The following C1QTNF8 variants were observed in gnomAD, a reference collection of about 807,000 sequenced individuals.
C1QTNF8 encodes the protein C1q and TNF related 8.
C1QTNF8 carries 27 observed loss-of-function variants against 19.2 expected under a neutral mutation model. That is an observed-to-expected ratio of 1.41 (90% CI 1.04 to 1.94). The LOEUF is 1.94. Among genes scored for constraint, C1QTNF8 ranks in the 30% most tolerant of loss-of-function variants. The pLI, the probability that C1QTNF8 is intolerant of heterozygous loss-of-function variation, is 0.00. For synonymous variants in C1QTNF8, 208 were observed against 172.8 expected (o/e 1.20, Z -1.60); for missense variants, 484 against 374.4 (o/e 1.29, Z -2.42).
At chr16:1,092,223 A>G (rs576595456) in intron 4 of C1QTNF8, among the ~76,000 whole-genome samples, 8 of 152,182 alleles carry the variant, frequency 5.3e-5, no homozygotes, top group African/African-American at 1.9e-4. Context: ...CTCCCAACAC[A>G]CCCAGCACTC....
intron 4 of C1QTNF8, among the ~76,000 whole-genome samples, chr16:1,091,348 C>T (rs1007735475): frequency 1.3e-5 from 2 of 152,078 alleles, no homozygotes; most frequent in Non-Finnish European, 2.9e-5. Flanking sequence ...GCCCAGTGGC[C>T]GCGCTGCCAC....
Position 1,093,948 on chromosome 16 carries a change from C to A in C1QTNF8, c.312G>T (p.Gln104His). 6.7e-7 allele frequency: 1 copy of A among 1,502,672 alleles called. No individual in the cohort carries two copies. The highest frequency in any genetic ancestry group is 8.8e-7 in the Non-Finnish European group (1 of 1,137,516). The allele number at this position is 1,502,672 out of a possible 1,614,324, so 93.1% of individuals were successfully genotyped here. ...GGCACGCGGCGCCCGGCGGCCCCAC[C>A]TGCCCCTTCTGGCCTCTGCGGCCCT... ...GLQGRRGQKGQVGPPGAACRR... is the reference protein window; with the variant it reads ...GLQGRRGQKGHVGPPGAACRR... The change falls in exon 4 of 5, where the codon CAG (glutamine) becomes CAT (histidine). Residue 104 changes from glutamine (Q) to histidine (H), a missense_variant. By Grantham distance (24) the Gln-to-His change is conservative. Transcript: ENST00000328449.
chr16:1,096,261 G>A (rs1488414543), upstream of C1QTNF8: 1 of 152,278 alleles, frequency 6.6e-6, no homozygotes, highest in Non-Finnish European at 1.5e-5. Context: ...AGAGCAACAG[G>A]CCGAGAGGCC....
chr16:1,094,943 A>G lies in C1QTNF8; in HGVS notation c.-11-10T>C. 1.7e-6 allele frequency: 2 copies of G among 1,193,874 alleles called. No homozygotes were observed. Among genetic ancestry groups the G allele is most frequent in the Non-Finnish European group, 2.2e-6 (2 of 925,064 alleles). The allele number at this position is 1,193,874 out of a possible 1,614,324, so 74.0% of individuals were successfully genotyped here. ...GCCATCTTGGCCAGGGCTGGGGGAGAGGAAAGAGGGGAGGGACTGAGAAGG... is the reference window on the plus strand; with the variant it reads ...GCCATCTTGGCCAGGGCTGGGGGAGGGGAAAGAGGGGAGGGACTGAGAAGG... On this transcript the variant is annotated splice_polypyrimidine_tract_variant and intron_variant, in intron 2 of 4. Transcript: ENST00000328449.
intron 4 of C1QTNF8, 54 bp downstream of exon 4, chr16:1,093,441 CAG>C (rs1484269294): frequency 7.2e-6 from 9 of 1,243,638 alleles, no homozygotes; most frequent in Admixed American, 2.9e-5. Flanking sequence ...CACACACACA[CAG>C]ACACACACAC....
At chr16:1,090,854 C>T (rs955448793) in intron 4 of C1QTNF8, among the ~76,000 whole-genome samples, 3 of 152,242 alleles carry the variant, frequency 2.0e-5, no homozygotes, top group Non-Finnish European at 4.4e-5. Flanking sequence ...CAGCTGCTTC[C>T]TCCCAGCCAG....
In C1QTNF8 at chr16:1,095,709, T is replaced by C. The variant is rs1245093765; in HGVS notation, c.-106A>G. The C allele has an allele frequency of 1.3e-5, 2 of 152,274 alleles. No individual in the cohort carries two copies. Among genetic ancestry groups the C allele is most frequent in the East Asian group, 1.9e-4 (1 of 5,198 alleles). The allele number at this position is 152,274 out of a possible 1,614,324, so 9.4% of individuals were successfully genotyped here. Reference sequence around the variant, plus strand: ...CGGGATCCTCAATATTCCCTGAAGATGGGCTCTGCTGGACAAAGATCTAGG... The same window carrying C: ...CGGGATCCTCAATATTCCCTGAAGACGGGCTCTGCTGGACAAAGATCTAGG... On this transcript the variant is annotated 5_prime_UTR_variant, in exon 2 of 5. Transcript: ENST00000328449.
At position 1,094,015 on chromosome 16, in the gene C1QTNF8, C is replaced by A; in HGVS notation, c.245G>T (p.Gly82Val). Residue 82 changes from glycine (G) to valine (V), a missense_variant, in exon 4 of 5, where the codon GGC (glycine) becomes GTC (valine). Coordinates refer to ENST00000328449, the MANE Select transcript of C1QTNF8 (RefSeq NM_207419.3). ...TGGCGGCCCCTCTTTCCCGCTCCTG[C>A]CGGCCCGACCTCGGACGCCGGCCTC... ...KGEAGVRGRA[G>V]RSGKEGPPGA... 1 of 1,483,756 alleles carries A rather than the reference C, an allele frequency of 6.7e-7. No homozygotes were observed. The allele number at this position is 1,483,756 out of a possible 1,614,324, so 91.9% of individuals were successfully genotyped here.
In C1QTNF8 at chr16:1,094,821, C is replaced by T; in HGVS notation, c.102G>A (p.Trp34Ter). The change falls in exon 3 of 5, where the codon TGG becomes TGA. Residue 34 changes from tryptophan (W) to a stop codon, truncating the protein, a stop_gained. Transcript: ENST00000328449. LOFTEE classifies it high-confidence loss of function. ...RPCVHCCRPA[W>*]PPGPYARVSD... Reference sequence around the variant, plus strand: ...TCACCCGGGCATAGGGTCCAGGGGGCCAGGCCGGGCGGCAGCAGTGCACAC... The same window carrying T: ...TCACCCGGGCATAGGGTCCAGGGGGTCAGGCCGGGCGGCAGCAGTGCACAC... The T allele has an allele frequency of 1.4e-6, 2 of 1,478,632 alleles. No individual in the cohort carries two copies. Among genetic ancestry groups the T allele is most frequent in the East Asian group, 2.7e-5 (1 of 37,342 alleles). The allele number at this position is 1,478,632 out of a possible 1,614,324, so 91.6% of individuals were successfully genotyped here.
intron 4 of C1QTNF8, among the ~76,000 whole-genome samples, chr16:1,093,024 A>C (rs1960586258): frequency 1.5e-5 from 2 of 131,526 alleles, no homozygotes; most frequent in African/African-American, 2.8e-5. Flanking sequence ...GTCGGCGCTC[A>C]ACCAATCCCT....
chr16:1,093,953 C>T lies in C1QTNF8; in HGVS notation c.307G>A (p.Gly103Arg), dbSNP rs769766393. ...GCGGCGCCCGGCGGCCCCACCTGCC[C>T]CTTCTGGCCTCTGCGGCCCTGCAGG... Reference protein sequence around the residue: ...RGLQGRRGQKGQVGPPGAACR... With the variant: ...RGLQGRRGQKRQVGPPGAACR... Residue 103 changes from glycine to arginine, a missense_variant, in exon 4 of 5, where the codon GGG (glycine) becomes AGG (arginine). Gly to Arg is a moderately radical substitution (Grantham distance 125). Transcript: ENST00000328449. 4 of 1,488,188 alleles carry T rather than the reference C, an allele frequency of 2.7e-6. No individual in the cohort carries two copies. The African/African-American group carries it at 5.9e-5, about 22-fold the overall frequency. 92.2% of individuals were successfully genotyped at this position (1,488,188 alleles called of 1,614,324 possible).
intron 4 of C1QTNF8, among the ~76,000 whole-genome samples, chr16:1,092,132 C>T (rs1288486708): frequency 6.6e-6 from 1 of 152,232 alleles, no homozygotes; most frequent in Non-Finnish European, 1.5e-5. Context: ...ACACCCAGTA[C>T]CACAGGCCTC....
Position 1,093,970 on chromosome 16 carries a change from C to A in C1QTNF8, c.290G>T (p.Gly97Val). 1 of 1,469,404 alleles carries A rather than the reference C, an allele frequency of 6.8e-7. No homozygotes were observed. The highest frequency in any genetic ancestry group is 8.9e-7 in the Non-Finnish European group (1 of 1,125,706). 91.0% of individuals were successfully genotyped at this position (1,469,404 alleles called of 1,614,324 possible). Residue 97 changes from glycine to valine, a missense_variant, in exon 4 of 5, where the codon GGC becomes GTC. Gly to Val is a moderately radical substitution (Grantham distance 109). Transcript: ENST00000328449. ...EGPPGARGLQ[G>V]RRGQKGQVGP... Reference sequence around the variant, plus strand: ...CACCTGCCCCTTCTGGCCTCTGCGGCCCTGCAGGCCCCGGGCGCCTGGCGG... The same window carrying A: ...CACCTGCCCCTTCTGGCCTCTGCGGACCTGCAGGCCCCGGGCGCCTGGCGG...
chr16:1,094,591 A>G, intron 3 of C1QTNF8, 124 bp downstream of exon 3: 2 of 711,304 alleles, frequency 2.8e-6, no homozygotes, highest in South Asian at 2.2e-5. Context: ...GAGCGCTGCC[A>G]GGGCAGACAC....
intron 4 of C1QTNF8, among the ~76,000 whole-genome samples, chr16:1,092,120 G>T (rs1472470886): frequency 6.6e-6 from 1 of 152,188 alleles, no homozygotes; most frequent in Admixed American, 6.5e-5. Flanking sequence ...TACGCCCACC[G>T]CACACCCAGT....
At chr16:1,092,473 C>T (rs567687788) in intron 4 of C1QTNF8, among the ~76,000 whole-genome samples, 4 of 148,218 alleles carry the variant, frequency 2.7e-5, no homozygotes, top group African/African-American at 7.7e-5. Flanking sequence ...CAACCAATCA[C>T]AGCACACAGT....
Position 1,089,272 on chromosome 16 carries a change from CG to C in C1QTNF8, c.*1326del, listed in dbSNP as rs34188781. 6.6e-6 allele frequency among the ~76,000 whole-genome samples: 1 copy of C among 152,132 alleles called. No homozygotes were observed. Among genetic ancestry groups the C allele is most frequent in the East Asian group, 1.9e-4 (1 of 5,192 alleles). On this transcript the variant is annotated 3_prime_UTR_variant, in exon 5 of 5. Transcript: ENST00000328449. ...GGCCAAGAACCTCTGCATGGCCAGC[CG>C]GGACCCCCACCCCCAGCAGCCCATA...
chr16:1,095,110 C>G (rs1475159412), intron 2 of C1QTNF8, among the ~76,000 whole-genome samples, 177 bp from the exon 3 acceptor site: 1 of 152,230 alleles, frequency 6.6e-6, no homozygotes, highest in Admixed American at 6.5e-5. Flanking sequence ...GGCTCAGGGG[C>G]TGCTACACTC....
chr16:1,093,959 G>A lies in C1QTNF8; in HGVS notation c.301C>T (p.Gln101Ter), dbSNP rs763140692. The change falls in exon 4 of 5, where the codon CAG becomes TAG. Residue 101 changes from glutamine (Q) to a stop codon, truncating the protein, a stop_gained. Transcript: ENST00000328449. LOFTEE classifies it high-confidence loss of function. ...CCCGGCGGCCCCACCTGCCCCTTCT[G>A]GCCTCTGCGGCCCTGCAGGCCCCGG... ...GARGLQGRRGQKGQVGPPGAA... is the reference protein window; with the variant it reads ...GARGLQGRRG 2.7e-6 allele frequency: 4 copies of A among 1,490,192 alleles called. No homozygotes were observed. In the South Asian group the frequency reaches 5.2e-5, roughly 20 times the overall value. 92.3% of individuals were successfully genotyped at this position (1,490,192 alleles called of 1,614,324 possible). A position where few individuals can be genotyped will look rare whatever the true frequency, so the allele number is the denominator to read the frequency against.
Sources: allele counts gnomAD v4.1 joint callset (sites outside exome capture counted in the v4.1 genomes callset), GRCh38; gene constraint gnomAD v4.1.1; transcripts MANE v1.5; gene names NCBI Gene and HGNC (gene_info 2026-07-23, HGNC 2026-07-21).